DHX33: variants seen among roughly 807,000 people sequenced by gnomAD.
DHX33 encodes the protein ATP-dependent RNA helicase DHX33.
A neutral mutation model predicts 72.5 loss-of-function variants in DHX33; 42 were observed. The ratio of observed to expected loss-of-function variants is 0.58; its 90% CI spans 0.45 to 0.75. The LOEUF (loss-of-function observed/expected upper bound fraction) is 0.75. Ranked by LOEUF, DHX33 falls within the 30% of genes least tolerant of loss-of-function variation. The pLI is 0.00. For synonymous variants in DHX33, 358 were observed against 366.1 expected, an observed-to-expected ratio of 0.98 and a Z score of 0.25; for missense variants, 842 against 917.5, an observed-to-expected ratio of 0.92 and a Z score of 1.06.
chr17:5,455,035 A>G lies in DHX33; in HGVS notation c.1147+125T>C. Reference sequence around the variant, plus strand: ...ACCTGGAGTGTAGGTGATCTCACTCATGGCGCCTGCCACCTGAATTTGTTA... The same window carrying G: ...ACCTGGAGTGTAGGTGATCTCACTCGTGGCGCCTGCCACCTGAATTTGTTA... On this transcript the variant is annotated intron_variant, in intron 6 of 11. Coordinates refer to ENST00000225296, the MANE Select transcript of DHX33 (RefSeq NM_020162.4). The G allele has an allele frequency of 3.6e-6, 3 of 841,280 alleles. No homozygotes were observed. The South Asian group carries it at 4.7e-5, about 13-fold the overall frequency. 52.1% of individuals were successfully genotyped at this position (841,280 alleles called of 1,614,324 possible).
At chr17:5,456,739 A>G (rs1410921122) in intron 4 of DHX33, among the ~76,000 whole-genome samples, 1 of 152,262 alleles carries the variant, frequency 6.6e-6, no homozygotes, top group Non-Finnish European at 1.5e-5. Context: ...TAAAATCTGC[A>G]TGAAGCTTCC....
chr17:5,450,434 A>G, intron 9 of DHX33, 28 bp from the exon 10 acceptor site: 1 of 1,607,414 alleles, frequency 6.2e-7, no homozygotes, highest in Non-Finnish European at 8.5e-7. Context: ...AAATTGTGTA[A>G]ACCCAGCTTT....
intron 11 of DHX33, among the ~76,000 whole-genome samples, chr17:5,447,619 C>T (rs1029850963): frequency 1.1e-4 from 17 of 147,828 alleles, no homozygotes; most frequent in Admixed American, 6.0e-4. Flanking sequence ...AGCAAAACTC[C>T]GTCTCAAAAA....
In DHX33 at chr17:5,453,685, A is replaced by G. The variant is rs1567599727; in HGVS notation, c.1308-17T>C. The G allele has an allele frequency of 6.2e-7, 1 of 1,613,556 alleles. No homozygotes were observed. The stretch of plus-strand genomic sequence containing the variant: ...AGGTTACACCTGTGAAGAGCATGAG[A>G]CCAGGGTCATGACCTGATCCCTCTG... On this transcript the variant is annotated splice_polypyrimidine_tract_variant and intron_variant, in intron 7 of 11. Transcript: ENST00000225296.
intron 1 of DHX33, among the ~76,000 whole-genome samples, chr17:5,468,303 C>T (rs945973661): frequency 6.6e-6 from 1 of 152,206 alleles, no homozygotes; most frequent in African/African-American, 2.4e-5. Flanking sequence ...CTTCTAAGAT[C>T]CGCAAGCCCC....
In DHX33 at chr17:5,468,954, C is replaced by CCAG; in HGVS notation, c.-96_-95insCTG. ...GGAGCACACCGCCCCTTCCTCGCCG[C>CCAG]CACGTGCTGGCGGCTCCCGGCGACC... On this transcript the variant is annotated 5_prime_UTR_variant, in exon 1 of 12. Transcript: ENST00000225296. 3 of 1,245,450 alleles carry CCAG rather than the reference C, an allele frequency of 2.4e-6. No individual in the cohort carries two copies. Among genetic ancestry groups the CCAG allele is most frequent in the Non-Finnish European group, 3.3e-6 (3 of 900,744 alleles). The allele number at this position is 1,245,450 out of a possible 1,614,324, so 77.1% of individuals were successfully genotyped here.
intron 4 of DHX33, among the ~76,000 whole-genome samples, chr17:5,457,004 A>G (rs1163225480): frequency 6.6e-6 from 1 of 152,124 alleles, no homozygotes; most frequent in Non-Finnish European, 1.5e-5. Flanking sequence ...TAATGCCCTG[A>G]TTTTTCTTTG....
intron 4 of DHX33, among the ~76,000 whole-genome samples, chr17:5,458,537 C>T (rs144245236): frequency 1.3e-5 from 2 of 152,114 alleles, no homozygotes; most frequent in African/African-American, 4.8e-5. Flanking sequence ...TGATTGAGCC[C>T]GGGAGTTCAC....
In DHX33 at chr17:5,444,471, C is replaced by T; in HGVS notation, c.1858G>A (p.Val620Ile). 1 of 1,614,188 alleles carries T rather than the reference C, an allele frequency of 6.2e-7. No individual in the cohort carries two copies. Among genetic ancestry groups the T allele is most frequent in the Non-Finnish European group, 8.5e-7 (1 of 1,180,038 alleles). ...AGGCTGTGAGCCAGGCAGCGGCGGACACTCTCCACGTCTCCTCGGGATGAT... is the reference window on the plus strand; with the variant it reads ...AGGCTGTGAGCCAGGCAGCGGCGGATACTCTCCACGTCTCCTCGGGATGAT... ...IASSRGDVES[V>I]RRCLAHSLFM... Residue 620 changes from valine (V) to isoleucine (I), a missense_variant, in exon 12 of 12, where the codon GTC (valine) becomes ATC (isoleucine). Physicochemically the swap from Val to Ile is conservative, Grantham distance 29. Transcript: ENST00000225296. The surrounding 1 kb of genome is among the most constrained non-coding windows in gnomAD (Gnocchi z 4.9).
Position 5,443,295 on chromosome 17 carries a change from T to C in DHX33, c.*910A>G, listed in dbSNP as rs1490974700. On this transcript the variant is annotated 3_prime_UTR_variant, in exon 12 of 12. Transcript: ENST00000225296. ...AACAGCTGAAATGGTACACAGTCAC[T>C]CCTCATGCCCGCATGTTCACTGGTG... is the stretch of plus-strand genomic sequence containing the variant. 1.6e-5 allele frequency: 2 copies of C among 128,202 alleles called. No homozygotes were observed. The highest frequency in any genetic ancestry group is 5.9e-5 in the African/African-American group (2 of 34,002). 7.9% of individuals were successfully genotyped at this position (128,202 alleles called of 1,614,324 possible).
chr17:5,463,531 G>T lies in DHX33; in HGVS notation c.448C>A (p.Leu150Met). The T allele has an allele frequency of 6.2e-7, 1 of 1,613,876 alleles. No homozygotes were observed. The highest frequency in any genetic ancestry group is 8.5e-7 in the Non-Finnish European group (1 of 1,179,868). Residue 150 changes from leucine (L) to methionine (M), a missense_variant and splice_region_variant, in exon 2 of 12, where the codon CTG (leucine) becomes ATG (methionine). By Grantham distance (15) the Leu-to-Met change is conservative (BLOSUM62 2). Coordinates refer to ENST00000225296, the MANE Select transcript of DHX33 (RefSeq NM_020162.4). ...ATAGTCAAGAAGGAACCAGGTACCAGCTTCCCAAGTTCAGTTCTCTTCTCA... is the reference window on the plus strand; with the variant it reads ...ATAGTCAAGAAGGAACCAGGTACCATCTTCCCAAGTTCAGTTCTCTTCTCA... ...SDEKRTELGK[L>M]VGYTVRFDDV...
chr17:5,448,082 G>A (rs1414249696), intron 11 of DHX33, among the ~76,000 whole-genome samples: 1 of 152,186 alleles, frequency 6.6e-6, no homozygotes, highest in African/African-American at 2.4e-5. Flanking sequence ...GGGAGGCTGA[G>A]GCAGGAGAAT....
Position 5,444,092 on chromosome 17 carries a change from C to A in DHX33, c.*113G>T. ...TGCTTTCACGCTCCTGGAAGTCAGG[C>A]ACCTTCAGCTGATTCCAAGGCTTCT... On this transcript the variant is annotated 3_prime_UTR_variant, in exon 12 of 12. Transcript: ENST00000225296. This position sits in a 1 kb window ranked among gnomAD's most constrained non-coding sequence, Gnocchi z 4.9. 1 of 1,260,988 alleles carries A rather than the reference C, an allele frequency of 7.9e-7. No individual in the cohort carries two copies. Among genetic ancestry groups the A allele is most frequent in the Non-Finnish European group, 1.1e-6 (1 of 923,908 alleles). The allele number at this position is 1,260,988 out of a possible 1,614,324, so 78.1% of individuals were successfully genotyped here.
intron 1 of DHX33, 94 bp from the exon 2 acceptor site, chr17:5,463,783 G>A: frequency 7.9e-7 from 1 of 1,269,300 alleles, no homozygotes; most frequent in Non-Finnish European, 1.1e-6. Flanking sequence ...CACTTTGGGA[G>A]GCCGAGGTAG....
chr17:5,458,791 G>A (rs1904450239), intron 4 of DHX33, among the ~76,000 whole-genome samples: 1 of 152,196 alleles, frequency 6.6e-6, no homozygotes, highest in South Asian at 2.1e-4. Flanking sequence ...GCCCTAAACA[G>A]CAGAAATCTG....
chr17:5,468,500 A>T, intron 1 of DHX33, 71 bp downstream of exon 1: 1 of 1,524,460 alleles, frequency 6.6e-7, no homozygotes, highest in South Asian at 1.2e-5. Flanking sequence ...ATTGAGAGGC[A>T]TGTAAGAAAA....
At chr17:5,450,984 T>A (rs1383418213) in intron 8 of DHX33, 50 bp from the exon 9 acceptor site, 16 of 1,598,118 alleles carry the variant, frequency 1.0e-5, no homozygotes, top group Non-Finnish European at 1.2e-5. Flanking sequence ...AAAAATGAAG[T>A]TGCAGCTAGT....
At chr17:5,457,495 T>C (rs1460813913) in intron 4 of DHX33, among the ~76,000 whole-genome samples, 1 of 149,416 alleles carries the variant, frequency 6.7e-6, no homozygotes, top group Non-Finnish European at 1.5e-5. Context: ...TGATCCCAGA[T>C]ACTCAGGAGG....
rs1916505357 is a variant in DHX33 at position 5,443,310 on chromosome 17, G to A, written c.*895C>T. ...ACACAGTCACTCCTCATGCCCGCAT[G>A]TTCACTGGTGCCCAGTTAGAGAGAA... is the stretch of plus-strand genomic sequence containing the variant. On this transcript the variant is annotated 3_prime_UTR_variant, in exon 12 of 12. Coordinates refer to ENST00000225296, the MANE Select transcript of DHX33 (RefSeq NM_020162.4). 6.8e-6 allele frequency: 1 copy of A among 147,054 alleles called. No homozygotes were observed. Among genetic ancestry groups the A allele is most frequent in the East Asian group, 2.0e-4 (1 of 4,896 alleles). The allele number at this position is 147,054 out of a possible 1,614,324, so 9.1% of individuals were successfully genotyped here. A position where few individuals can be genotyped will look rare whatever the true frequency, so the allele number is the denominator to read the frequency against.
Sources: allele counts gnomAD v4.1 joint callset (sites outside exome capture counted in the v4.1 genomes callset), GRCh38; gene constraint gnomAD v4.1.1; non-coding constraint Gnocchi (gnomAD v3.1); transcripts MANE v1.5; gene names NCBI Gene and HGNC (gene_info 2026-07-23, HGNC 2026-07-21).